The following SEMA5B variants were observed in gnomAD, a reference collection of about 807,000 sequenced individuals.
SEMA5B encodes the protein semaphorin-5B.
Under a neutral mutation model 135.0 loss-of-function variants are expected in SEMA5B, and 66 were observed. The ratio of observed to expected loss-of-function variants is 0.49; its 90% CI spans 0.40 to 0.60. The LOEUF (loss-of-function observed/expected upper bound fraction) is 0.60, where lower values mean the gene tolerates loss of function less well. Ranked by LOEUF, SEMA5B falls within the 20% of genes least tolerant of loss-of-function variation. The pLI is 0.00. For missense variants in SEMA5B, 1,501 were observed against 1,566.3 expected (o/e 0.96, Z 0.70); for synonymous variants, 690 against 639.5 (o/e 1.08, Z -1.19).
intron 2 of SEMA5B, among the ~76,000 whole-genome samples, chr3:122,950,755 C>CTT (rs1940010191): frequency 6.6e-6 from 1 of 152,220 alleles, no homozygotes. Context: ...ACAGAGGCAC[C>CTT]TGCACATGTG....
At chr3:122,920,994 C>T (rs1395405424) in intron 12 of SEMA5B, among the ~76,000 whole-genome samples, 1 of 152,218 alleles carries the variant, frequency 6.6e-6, no homozygotes, top group Non-Finnish European at 1.5e-5. Context: ...CCCTGAGACT[C>T]CCCCTCCTTG....
chr3:122,912,023 T>C lies in SEMA5B; in HGVS notation c.2943A>G (p.Gly981=). 6.2e-7 allele frequency: 1 copy of C among 1,613,792 alleles called. No homozygotes were observed. The highest frequency in any genetic ancestry group is 2.2e-5 in the East Asian group (1 of 44,844). ...CACAGTGCCGGCTTCGGCTCTGGGC[T>C]CCGTCGTCAGTGCACTTACTCCACT... The part of the protein sequence containing the change: ...WSEWSKCTDD[G]AQSRSRHCEE... The change falls in exon 20 of 23, where the codon GGA becomes GGG. Residue 981 remains glycine, a synonymous_variant. Transcript: ENST00000357599.
intron 1 of SEMA5B, among the ~76,000 whole-genome samples, chr3:122,963,148 C>A (rs188836133): frequency 1.6e-4 from 24 of 152,324 alleles, no homozygotes; most frequent in Non-Finnish European, 2.8e-4. Context: ...TTCTGGGATG[C>A]TAATGAAACT....
chr3:122,973,263 CT>C (rs1239205911), intron 1 of SEMA5B, among the ~76,000 whole-genome samples: 1 of 152,228 alleles, frequency 6.6e-6, no homozygotes, highest in African/African-American at 2.4e-5. Flanking sequence ...CCCCTAGCTT[CT>C]AGTCTAGGTG....
At chr3:123,023,736 TCAC>T in intron 1 of SEMA5B, among the ~76,000 whole-genome samples, 1 of 152,256 alleles carries the variant, frequency 6.6e-6, no homozygotes, top group South Asian at 2.1e-4. Context: ...CCACAGTAAA[TCAC>T]CACAGATGTT....
chr3:122,934,872 C>A (rs369447354), intron 5 of SEMA5B, among the ~76,000 whole-genome samples: 1,893 of 131,822 alleles, frequency 0.014, no homozygotes, highest in Non-Finnish European at 0.015. Flanking sequence ...AGACCCACCT[C>A]AAAAAAAAAA....
chr3:123,022,968 T>C (rs1942722748), intron 1 of SEMA5B, among the ~76,000 whole-genome samples: 1 of 152,306 alleles, frequency 6.6e-6, no homozygotes, highest in South Asian at 2.1e-4. Context: ...CCATCTGAAA[T>C]AGAGAATGGC....
chr3:122,960,814 C>T (rs1481624355), intron 2 of SEMA5B, among the ~76,000 whole-genome samples: 2 of 152,126 alleles, frequency 1.3e-5, no homozygotes, highest in East Asian at 1.9e-4. Context: ...TTGCCTGGGG[C>T]GGGAGGAAGC....
At chr3:122,979,712 C>CATCCATCTGGTTTTCCCAAGG (rs1362612979) in intron 1 of SEMA5B, among the ~76,000 whole-genome samples, 14 of 152,178 alleles carry the variant, frequency 9.2e-5, no homozygotes, top group African/African-American at 3.4e-4. Flanking sequence ...AACAACAGGC[C>CATCCATCTGGTTTTCCCAAGG]ATCCATCTGG....
chr3:122,987,075 T>A (rs984874127), intron 1 of SEMA5B, among the ~76,000 whole-genome samples: 1 of 151,978 alleles, frequency 6.6e-6, no homozygotes, highest in Non-Finnish European at 1.5e-5. Context: ...GGCTGGGCCC[T>A]CACAGAACCG....
intron 2 of SEMA5B, among the ~76,000 whole-genome samples, chr3:122,950,098 A>G (rs1939977407): frequency 2.6e-5 from 4 of 152,232 alleles, no homozygotes; most frequent in Middle Eastern, 3.2e-3. Flanking sequence ...AGGAATCAAG[A>G]AGGAAAAGAC....
intron 4 of SEMA5B, among the ~76,000 whole-genome samples, 170 bp downstream of exon 4, chr3:122,943,266 G>A (rs941956916): frequency 5.9e-5 from 9 of 152,080 alleles, no homozygotes; most frequent in African/African-American, 1.4e-4. Flanking sequence ...CCACCCAGCC[G>A]AAACACGCTT....
At chr3:122,943,380 T>C in intron 4 of SEMA5B, 56 bp downstream of exon 4, 1 of 1,253,076 alleles carries the variant, frequency 8.0e-7, no homozygotes, top group South Asian at 1.3e-5. Context: ...TAATATTCCC[T>C]CTACCCAGCT....
chr3:122,927,943 G>A lies in SEMA5B; in HGVS notation c.697C>T (p.Pro233Ser). 6.3e-7 allele frequency: 1 copy of A among 1,583,840 alleles called. No homozygotes were observed. Among genetic ancestry groups the A allele is most frequent in the Non-Finnish European group, 8.6e-7 (1 of 1,164,028 alleles). The change falls in exon 8 of 23, where the codon CCA becomes TCA. Residue 233 changes from proline to serine, a missense_variant. Physicochemically the swap from Pro to Ser is moderately conservative, Grantham distance 74. Transcript: ENST00000357599. ...ATGACAGCTGTGGAGTTGTGGCGTG[G>A]GTCATAGGGGCAGCGGGCCACACCA... The part of the protein sequence containing the change: ...INGVARCPYD[P>S]RHNSTAVISS...
intron 1 of SEMA5B, among the ~76,000 whole-genome samples, chr3:123,006,032 C>T (rs1942300583): frequency 6.6e-6 from 1 of 152,228 alleles, no homozygotes; most frequent in Non-Finnish European, 1.5e-5. Context: ...CTTGCCTTGG[C>T]TTGTCTCCCC....
intron 5 of SEMA5B, among the ~76,000 whole-genome samples, chr3:122,935,439 T>C (rs1939217976): frequency 6.6e-6 from 1 of 152,138 alleles, no homozygotes; most frequent in Admixed American, 6.6e-5. Context: ...TCTTGATTCC[T>C]TTATTGGAGG....
At position 122,913,641 on chromosome 3, in the gene SEMA5B, AG is replaced by A. The variant is rs764900196; in HGVS notation, c.2172del (p.Trp725GlyfsTer61). The A allele has an allele frequency of 1.2e-6, 2 of 1,613,676 alleles. No individual in the cohort carries two copies. Among genetic ancestry groups the A allele is most frequent in the Admixed American group, 3.3e-5 (2 of 60,022 alleles). ...NENTPCPVPI[F>X]WASWGSWSKC... Reference sequence around the variant, plus strand: ...TTGCTCCAGGAGCCCCAGGAAGCCCAGAAGATGGGCACCGGGCAAGGCGTGT... The same window carrying A: ...TTGCTCCAGGAGCCCCAGGAAGCCCAAAGATGGGCACCGGGCAAGGCGTGT... On this transcript the variant is annotated frameshift_variant, in exon 16 of 23. Coordinates refer to ENST00000357599, the MANE Select transcript of SEMA5B (RefSeq NM_001031702.4). LOFTEE classifies it high-confidence loss of function.
rs1390718925 is a variant in SEMA5B at position 122,915,500 on chromosome 3, C to G, written c.1928G>C (p.Arg643Pro). 3 of 1,613,756 alleles carry G rather than the reference C, an allele frequency of 1.9e-6. No individual in the cohort carries two copies. Among genetic ancestry groups the G allele is most frequent in the South Asian group, 2.2e-5 (2 of 91,046 alleles). ...GCAGTCAAGGCCCCCACAGCGGGGT[C>G]GAGGGGAATCACAGGATCGAGCTCG... is the stretch of plus-strand genomic sequence containing the variant. ...LCRARSCDSPRPRCGGLDCLG... is the reference protein window; with the variant it reads ...LCRARSCDSPPPRCGGLDCLG... The change falls in exon 14 of 23, where the codon CGA becomes CCA. Residue 643 changes from arginine to proline, a missense_variant. Transcript: ENST00000357599.
intron 7 of SEMA5B, among the ~76,000 whole-genome samples, chr3:122,928,293 G>A (rs551619052): frequency 6.6e-6 from 1 of 152,312 alleles, no homozygotes; most frequent in East Asian, 1.9e-4. Context: ...CGAACAGGGA[G>A]TAAATTTTTA....
Sources: allele counts gnomAD v4.1 joint callset (sites outside exome capture counted in the v4.1 genomes callset), GRCh38; gene constraint gnomAD v4.1.1; transcripts MANE v1.5; gene names NCBI Gene and HGNC (gene_info 2026-07-23, HGNC 2026-07-21).